ELMO2: variants seen among roughly 807,000 people sequenced by gnomAD.
ELMO2 encodes the protein engulfment and cell motility 2.
Under a neutral mutation model 96.2 loss-of-function variants are expected in ELMO2, and 37 were observed. The observed-to-expected ratio is 0.38, with a 90% CI of 0.30 to 0.51. The LOEUF is 0.51. Among genes scored for constraint, ELMO2 ranks in the 20% least tolerant of loss-of-function variants. The pLI, the probability that ELMO2 is intolerant of heterozygous loss-of-function variation, is 0.88. For synonymous variants in ELMO2, 315 were observed against 329.4 expected (o/e 0.96, Z 0.47); for missense variants, 561 against 912.6 (o/e 0.61, Z 4.96).
chr20:46,375,236 G>A lies in ELMO2; in HGVS notation c.1065C>T (p.Thr355=), dbSNP rs776370647. The change falls in exon 13 of 22, where the codon ACC becomes ACT. Residue 355 remains threonine, a splice_region_variant and synonymous_variant. Transcript: ENST00000290246. This position sits in a 1 kb window ranked among gnomAD's most constrained non-coding sequence, Gnocchi z 4.6. The part of the protein sequence containing the change: ...YTKDYKMLGF[T]NHINPAMDFT... ...ACCGTCTATGCTCTGAGGTACTTAC[G>A]GTAAATCCCAGCATTTTGTAGTCCT... The A allele has an allele frequency of 5.3e-5, 85 of 1,613,448 alleles. No homozygotes were observed. Among genetic ancestry groups the A allele is most frequent in the Non-Finnish European group, 6.9e-5 (82 of 1,179,966 alleles).
chr20:46,375,607 A>G lies in ELMO2; in HGVS notation c.930+61T>C, dbSNP rs1281422853. ...AAAGACCAAGCACAGTGCCTGGCAC[A>G]TAGACTAAGGCTGGACTGCACCACA... On this transcript the variant is annotated intron_variant, in intron 12 of 21. Transcript: ENST00000290246. The surrounding 1 kb of genome is among the most constrained non-coding windows in gnomAD (Gnocchi z 4.6). 1.1e-5 allele frequency: 18 copies of G among 1,607,752 alleles called. No homozygotes were observed. The highest frequency in any genetic ancestry group is 1.4e-5 in the Non-Finnish European group (16 of 1,175,370).
At position 46,375,221 on chromosome 20, in the gene ELMO2, C is replaced by T. The variant is rs2059834224; in HGVS notation, c.1065+15G>A. Reference sequence around the variant, plus strand: ...GGGAGAGGGCCTACCACCGTCTATGCTCTGAGGTACTTACGGTAAATCCCA... The same window carrying T: ...GGGAGAGGGCCTACCACCGTCTATGTTCTGAGGTACTTACGGTAAATCCCA... On this transcript the variant is annotated intron_variant, in intron 13 of 21. Transcript: ENST00000290246. The surrounding 1 kb of genome is among the most constrained non-coding windows in gnomAD (Gnocchi z 4.6). The T allele has an allele frequency of 1.2e-6, 2 of 1,612,442 alleles. No homozygotes were observed. Among genetic ancestry groups the T allele is most frequent in the Non-Finnish European group, 1.7e-6 (2 of 1,179,602 alleles).
At chr20:46,404,084 CA>C (rs371571428) in intron 1 of ELMO2, among the ~76,000 whole-genome samples, 7 of 147,210 alleles carry the variant, frequency 4.8e-5, no homozygotes, top group South Asian at 4.3e-4. Flanking sequence ...AACTCCATCT[CA>C]AAAAAAAAAT....
intron 11 of ELMO2, among the ~76,000 whole-genome samples, chr20:46,377,838 G>A (rs917928596): frequency 2.6e-5 from 4 of 151,946 alleles, no homozygotes; most frequent in African/African-American, 9.7e-5. Context: ...TCTCTGCTCT[G>A]TGCCCCCTGC....
At chr20:46,394,130 C>T (rs1568782691) in intron 3 of ELMO2, 41 bp from the exon 4 acceptor site, 1 of 1,555,736 alleles carries the variant, frequency 6.4e-7, no homozygotes, top group Non-Finnish European at 8.9e-7. Flanking sequence ...GCAGCAACAT[C>T]CTACTCATGC....
chr20:46,374,538 G>A lies in ELMO2; in HGVS notation c.1168C>T (p.Arg390Trp). The change falls in exon 14 of 22, where the codon CGG becomes TGG. Residue 390 changes from arginine to tryptophan, a missense_variant and splice_region_variant. Coordinates refer to ENST00000290246, the MANE Select transcript of ELMO2 (RefSeq NM_133171.5). ...AAGGCCAGCTCCCCTGCCTTTACCC[G>A]GATGTAGGTGTCCTGGTGGACTTTA... ...LAKVHQDTYIRIVLENSSRED... is the reference protein window; with the variant it reads ...LAKVHQDTYIWIVLENSSRED... 1.2e-6 allele frequency: 2 copies of A among 1,614,116 alleles called. No homozygotes were observed. Among genetic ancestry groups the A allele is most frequent in the Middle Eastern group, 1.7e-4 (1 of 6,060 alleles).
Position 46,384,517 on chromosome 20 carries a change from A to C in ELMO2, c.678-1023T>G, listed in dbSNP as rs1295142964. On this transcript the variant is annotated intron_variant, in intron 9 of 21. Transcript: ENST00000290246. Reference sequence around the variant, plus strand: ...AATGCCATGTTCCCCTATCATCCCTAGGGAGGCAACTGGGGCCACTCTGAA... The same window carrying C: ...AATGCCATGTTCCCCTATCATCCCTCGGGAGGCAACTGGGGCCACTCTGAA... 2.0e-5 allele frequency among the ~76,000 whole-genome samples: 3 copies of C among 149,702 alleles called. No individual in the cohort carries two copies. The East Asian group carries it at 5.9e-4, about 29-fold the overall frequency.
intron 6 of ELMO2, among the ~76,000 whole-genome samples, chr20:46,392,494 ATCTT>A (rs1052409638): frequency 2.0e-5 from 3 of 152,186 alleles, no homozygotes; most frequent in South Asian, 2.1e-4. Context: ...CACTAAAGTG[ATCTT>A]TCTAAAACTT....
intron 16 of ELMO2, among the ~76,000 whole-genome samples, chr20:46,372,458 C>A (rs2059740984): frequency 6.6e-6 from 1 of 152,180 alleles, no homozygotes; most frequent in South Asian, 2.1e-4. Flanking sequence ...TGGTGAAACC[C>A]CGTCTCTACT....
intron 1 of ELMO2, among the ~76,000 whole-genome samples, chr20:46,400,175 T>C (rs759294265): frequency 2.0e-5 from 3 of 152,160 alleles, no homozygotes; most frequent in Non-Finnish European, 2.9e-5. Context: ...ACTGTTGTTT[T>C]CATATCAAAC....
At chr20:46,393,651 A>G (rs774726361) in intron 4 of ELMO2, 50 bp from the exon 5 acceptor site, 1 of 1,587,468 alleles carries the variant, frequency 6.3e-7, no homozygotes, top group Non-Finnish European at 8.6e-7. Context: ...TCTTGTTCAG[A>G]AGCTGCTCAT....
At chr20:46,369,960 G>GT (rs1166746591) in intron 20 of ELMO2, 556 of 10,028 alleles carry the variant, frequency 0.055, 4 homozygotes, top group East Asian at 0.37. Flanking sequence ...ATGGGTATGG[G>GT]GGTGTGTGTG....
chr20:46,390,826 C>A (rs2060138418), intron 6 of ELMO2: 1 of 152,270 alleles, frequency 6.6e-6, no homozygotes, highest in Non-Finnish European at 1.5e-5. Context: ...TTTGCCTCTC[C>A]TCTTTTACTA....
intron 19 of ELMO2, 115 bp from the exon 20 acceptor site, chr20:46,370,640 C>T: frequency 1.1e-6 from 1 of 929,980 alleles, no homozygotes; most frequent in Non-Finnish European, 1.7e-6. Flanking sequence ...CAGCCCCAAA[C>T]TCCAAGGGCT....
chr20:46,370,927 G>A (rs139526226), intron 19 of ELMO2, among the ~76,000 whole-genome samples: 2 of 152,302 alleles, frequency 1.3e-5, no homozygotes, highest in Non-Finnish European at 2.9e-5. Flanking sequence ...TAAGTGCTTT[G>A]CATACATTAC....
chr20:46,375,374 C>T lies in ELMO2; in HGVS notation c.931-4G>A, dbSNP rs778398474. 6.1e-5 allele frequency: 99 copies of T among 1,613,030 alleles called. No homozygotes were observed. The highest frequency in any genetic ancestry group is 1.6e-4 in the Middle Eastern group (1 of 6,080). The stretch of plus-strand genomic sequence containing the variant: ...CAAATATGATGTCCCTTTGAGCCTG[C>T]GAGGTGAAACAGACAGTCAGCAGGT... On this transcript the variant is annotated splice_polypyrimidine_tract_variant and splice_region_variant and intron_variant, in intron 12 of 21. Coordinates refer to ENST00000290246, the MANE Select transcript of ELMO2 (RefSeq NM_133171.5). This position sits in a 1 kb window ranked among gnomAD's most constrained non-coding sequence, Gnocchi z 4.6.
Position 46,367,443 on chromosome 20 carries a change from G to A in ELMO2, c.2080C>T (p.Leu694=), listed in dbSNP as rs753155755. 6.8e-6 allele frequency: 11 copies of A among 1,613,314 alleles called. No homozygotes were observed. The East Asian group carries it at 2.2e-4, about 33-fold the overall frequency. ...SMEMKLRLLD[L]ENIQIPEAPP... ...GCTTCGGGAATCTGGATGTTCTCCA[G>A]GTCCAGGAGCCGCAGCTTCATCTCC... The change falls in exon 22 of 22, where the codon CTG becomes TTG. Residue 694 remains leucine (L), a synonymous_variant. Coordinates refer to ENST00000290246, the MANE Select transcript of ELMO2 (RefSeq NM_133171.5).
At chr20:46,403,150 C>A (rs939140157) in intron 1 of ELMO2, among the ~76,000 whole-genome samples, 2 of 152,240 alleles carry the variant, frequency 1.3e-5, no homozygotes, top group Non-Finnish European at 2.9e-5. Context: ...TTCCCCAACA[C>A]AGTAAGCCCT....
chr20:46,387,621 A>T, intron 7 of ELMO2, 184 bp from the exon 8 acceptor site: 1 of 232,678 alleles, frequency 4.3e-6, no homozygotes, highest in Non-Finnish European at 7.7e-6. Context: ...CAGCCCAGGT[A>T]TCTATCGCTG....
Sources: gnomAD v4.1 joint callset for allele counts (sites outside exome capture counted in the v4.1 genomes callset) on GRCh38, gnomAD v4.1.1 for gene constraint, Gnocchi (gnomAD v3.1) non-coding constraint, MANE v1.5 for transcripts, NCBI Gene and HGNC (gene_info 2026-07-23, HGNC 2026-07-21) for gene names.